The following LSAMP variants were observed in gnomAD, a reference collection of about 807,000 sequenced individuals.
LSAMP encodes limbic system associated membrane protein.
LSAMP carries 7 observed loss-of-function variants against 38.6 expected under a neutral mutation model. That is an observed-to-expected ratio of 0.18 (90% CI 0.10 to 0.34). The LOEUF (loss-of-function observed/expected upper bound fraction) is 0.34. LSAMP is among the 10% of genes least tolerant of loss of function. The pLI is 1.00. For synonymous variants in LSAMP, 154 were observed against 166.8 expected, an observed-to-expected ratio of 0.92 and a Z score of 0.59; for missense variants, 313 against 420.0, an observed-to-expected ratio of 0.75 and a Z score of 2.23.
chr3:116,232,695 C>CTTTTT (rs1358749128), intron 1 of LSAMP, among the ~76,000 whole-genome samples: 312 of 27,190 alleles, frequency 0.011, 2 homozygotes, highest in African/African-American at 0.023. Context: ...TTCTTTCTTT[C>CTTTTT]TTTCTTTTTT....
intron 1 of LSAMP, among the ~76,000 whole-genome samples, chr3:116,379,239 A>G (rs2048528884): frequency 2.6e-5 from 4 of 152,092 alleles, no homozygotes; most frequent in African/African-American, 7.2e-5. Flanking sequence ...TAACAAAGAT[A>G]TAGTCGCATA....
intron 3 of LSAMP, among the ~76,000 whole-genome samples, chr3:115,976,247 C>T (rs1180500908): frequency 6.6e-6 from 1 of 152,118 alleles, no homozygotes; most frequent in Non-Finnish European, 1.5e-5. Flanking sequence ...AAATATTCTC[C>T]ATAAAATATT....
chr3:116,314,645 G>T (rs937625959), intron 1 of LSAMP, among the ~76,000 whole-genome samples: 1 of 152,154 alleles, frequency 6.6e-6, no homozygotes, highest in Non-Finnish European at 1.5e-5. Context: ...AGACAGATAA[G>T]GTAGTTCCAG....
intron 3 of LSAMP, among the ~76,000 whole-genome samples, chr3:115,961,954 C>T (rs1029591160): frequency 6.6e-6 from 1 of 152,180 alleles, no homozygotes; most frequent in African/African-American, 2.4e-5. Flanking sequence ...AGCTGCATGG[C>T]TTTTGGGTCC....
intron 1 of LSAMP, among the ~76,000 whole-genome samples, chr3:116,363,874 A>G (rs1214265785): frequency 8.3e-6 from 1 of 120,728 alleles, no homozygotes; most frequent in Non-Finnish European, 1.7e-5. Context: ...AAATAATAAG[A>G]GCTATCTATG....
At position 116,204,325 on chromosome 3, in the gene LSAMP, C is replaced by T. The variant is rs1466634135; in HGVS notation, c.156-117769G>A. On this transcript the variant is annotated intron_variant, in intron 1 of 6. Transcript: ENST00000490035. Reference sequence around the variant, plus strand: ...AGCCCTTTGTCAGATGAGTAGGTTGCGAAAACTTTCTCCCATTTTGTAGGT... The same window carrying T: ...AGCCCTTTGTCAGATGAGTAGGTTGTGAAAACTTTCTCCCATTTTGTAGGT... Among the ~76,000 whole-genome samples, 27 of 151,836 alleles carry T rather than the reference C, an allele frequency of 1.8e-4. 1 individual carries two copies. Among genetic ancestry groups the T allele is most frequent in the South Asian group, 8.3e-4 (4 of 4,818 alleles).
At chr3:116,046,106 G>T (rs929668604) in intron 2 of LSAMP, among the ~76,000 whole-genome samples, 1 of 152,174 alleles carries the variant, frequency 6.6e-6, no homozygotes, top group African/African-American at 2.4e-5. Context: ...CATAAAAATT[G>T]TTGCCTTTCT....
chr3:116,077,209 CTT>C (rs1349206390), intron 2 of LSAMP, among the ~76,000 whole-genome samples: 1 of 151,680 alleles, frequency 6.6e-6, no homozygotes, highest in Non-Finnish European at 1.5e-5. Flanking sequence ...ATTTTATTAT[CTT>C]GTTTCATTGC....
At chr3:116,158,603 C>T (rs1468059114) in intron 1 of LSAMP, among the ~76,000 whole-genome samples, 1 of 151,998 alleles carries the variant, frequency 6.6e-6, no homozygotes, top group Non-Finnish European at 1.5e-5. Flanking sequence ...TTTGCAATAG[C>T]TACAAAAAGA....
intron 2 of LSAMP, among the ~76,000 whole-genome samples, chr3:116,051,762 G>T (rs915778555): frequency 1.3e-5 from 2 of 152,010 alleles, no homozygotes; most frequent in Non-Finnish European, 2.9e-5. Context: ...AAGCGATGAG[G>T]GCCTCTCTTG....
intron 1 of LSAMP, among the ~76,000 whole-genome samples, chr3:116,246,022 T>C (rs778379076): frequency 6.6e-6 from 1 of 152,066 alleles, no homozygotes. Context: ...TTAGAAGAAA[T>C]CTCAGCAGTC....
At position 115,802,803 on chromosome 3, in the gene LSAMP, T is replaced by G. The variant is rs896394331; in HGVS notation, c.*7514A>C. On this transcript the variant is annotated 3_prime_UTR_variant, in exon 7 of 7. Transcript: ENST00000490035. ...ATTTATACACCCTTCAGTAGAGCAG[T>G]GATAAGGAAGGTGGGGAGCATTGGG... The G allele has an allele frequency of 6.6e-6, 1 of 152,030 alleles. No individual in the cohort carries two copies. The highest frequency in any genetic ancestry group is 1.5e-5 in the Non-Finnish European group (1 of 67,986). The allele number at this position is 152,030 out of a possible 1,614,324, so 9.4% of individuals were successfully genotyped here.
chr3:116,126,949 G>C (rs1158466766), intron 1 of LSAMP, among the ~76,000 whole-genome samples: 2 of 152,138 alleles, frequency 1.3e-5, no homozygotes, highest in Admixed American at 1.3e-4. Flanking sequence ...CTATTTATCT[G>C]GTTCCTAACT....
At chr3:116,298,585 T>TAGTC (rs1416115572) in intron 1 of LSAMP, among the ~76,000 whole-genome samples, 1 of 152,248 alleles carries the variant, frequency 6.6e-6, no homozygotes, top group African/African-American at 2.4e-5. Flanking sequence ...TATAAAGATG[T>TAGTC]AGTCATTAAT....
intron 1 of LSAMP, among the ~76,000 whole-genome samples, chr3:116,421,376 C>T (rs1167042690): frequency 1.3e-5 from 2 of 151,968 alleles, no homozygotes; most frequent in South Asian, 2.1e-4. Context: ...TCGAGACCAG[C>T]CTGGCCAACA....
At chr3:115,899,813 C>G (rs1409278305) in intron 3 of LSAMP, among the ~76,000 whole-genome samples, 2 of 152,088 alleles carry the variant, frequency 1.3e-5, no homozygotes, top group Non-Finnish European at 2.9e-5. Context: ...TGCTTACTGT[C>G]GACAACAGAA....
At chr3:116,326,688 G>A (rs1045465482) in intron 1 of LSAMP, among the ~76,000 whole-genome samples, 8 of 152,112 alleles carry the variant, frequency 5.3e-5, no homozygotes, top group African/African-American at 1.9e-4. Flanking sequence ...TGTAAAATGA[G>A]GAAATTGGTC....
chr3:115,992,496 AC>A (rs1362602656), intron 3 of LSAMP, among the ~76,000 whole-genome samples: 1 of 152,100 alleles, frequency 6.6e-6, no homozygotes, highest in Non-Finnish European at 1.5e-5. Context: ...TCGGGGTTAA[AC>A]CAGCATACAG....
intron 1 of LSAMP, among the ~76,000 whole-genome samples, chr3:116,171,532 AT>A (rs1301653935): frequency 6.6e-6 from 1 of 152,086 alleles, no homozygotes; most frequent in African/African-American, 2.4e-5. Flanking sequence ...GCCCTACCTG[AT>A]TTTTTTAAAT....
Sources: allele counts gnomAD v4.1 joint callset (sites outside exome capture counted in the v4.1 genomes callset), GRCh38; gene constraint gnomAD v4.1.1; transcripts MANE v1.5; gene names NCBI Gene and HGNC (gene_info 2026-07-23, HGNC 2026-07-21).